ARNT2: variants seen among roughly 807,000 people sequenced by gnomAD.
ARNT2 encodes ARNT protein 2.
Under a neutral mutation model 91.7 loss-of-function variants are expected in ARNT2, and 36 were observed. The ratio of observed to expected loss-of-function variants is 0.39; its 90% confidence interval spans 0.30 to 0.52. The LOEUF is 0.52. Among genes scored for constraint, ARNT2 ranks in the 20% least tolerant of loss-of-function variants. ARNT2 has a pLI of 0.72. For synonymous variants in ARNT2, 365 were observed against 347.1 expected, an observed-to-expected ratio of 1.05 and a Z score of -0.57; for missense variants, 775 against 939.3, an observed-to-expected ratio of 0.83 and a Z score of 2.29.
In ARNT2 at chr15:80,411,759, G is replaced by A. The variant is rs151024035; in HGVS notation, c.31+7213G>A. On this transcript the variant is annotated intron_variant, in intron 1 of 18. Coordinates refer to ENST00000303329, the MANE Select transcript of ARNT2 (RefSeq NM_014862.4). Reference sequence around the variant, plus strand: ...AGAGACTTACCTCGAGTCCTCAGCAGGTGGGTGGGTGAGGAGGTCCTACAC... The same window carrying A: ...AGAGACTTACCTCGAGTCCTCAGCAAGTGGGTGGGTGAGGAGGTCCTACAC... 6.1e-4 allele frequency among the ~76,000 whole-genome samples: 93 copies of A among 152,144 alleles called. No homozygotes were observed. The East Asian group carries it at 0.017, about 28-fold the overall frequency.
chr15:80,404,445 G>T lies in ARNT2; in HGVS notation c.-71G>T, dbSNP rs1276228727. On this transcript the variant is annotated 5_prime_UTR_variant, in exon 1 of 19. Transcript: ENST00000303329. This position sits in a 1 kb window ranked among gnomAD's most constrained non-coding sequence, Gnocchi z 5.5. Reference sequence around the variant, plus strand: ...CGCCTGGGCCTGACCGGGTCCCCGGGGCTGAGCGCCGGGCTCCGCGCCGCC... The same window carrying T: ...CGCCTGGGCCTGACCGGGTCCCCGGTGCTGAGCGCCGGGCTCCGCGCCGCC... 1.3e-5 allele frequency: 14 copies of T among 1,085,998 alleles called. No individual in the cohort carries two copies. The highest frequency in any genetic ancestry group is 1.5e-5 in the Non-Finnish European group (13 of 867,940). The allele number at this position is 1,085,998 out of a possible 1,614,324, so 67.3% of individuals were successfully genotyped here. A position where few individuals can be genotyped will look rare whatever the true frequency, so the allele number is the denominator to read the frequency against.
intron 12 of ARNT2, among the ~76,000 whole-genome samples, chr15:80,573,556 G>A (rs958032078): frequency 1.3e-5 from 2 of 152,130 alleles, no homozygotes; most frequent in African/African-American, 2.4e-5. Flanking sequence ...CAGTAAAGCC[G>A]CCATTTCCTC....
chr15:80,565,816 CTAT>C (rs1898470455), intron 12 of ARNT2, among the ~76,000 whole-genome samples: 1 of 152,006 alleles, frequency 6.6e-6, no homozygotes, highest in Admixed American at 6.6e-5. Flanking sequence ...ATATTCTCTC[CTAT>C]TCTGTAGATT....
At chr15:80,428,145 G>C (rs1470210058) in intron 1 of ARNT2, among the ~76,000 whole-genome samples, 1 of 152,234 alleles carries the variant, frequency 6.6e-6, no homozygotes, top group Non-Finnish European at 1.5e-5. Context: ...CTCCGTGTGG[G>C]CCAGAGGGCC....
intron 2 of ARNT2, 49 bp from the exon 3 acceptor site, chr15:80,457,880 A>G: frequency 1.9e-6 from 3 of 1,600,896 alleles, no homozygotes; most frequent in Non-Finnish European, 2.6e-6. Context: ...GTTACCAGTT[A>G]AAATGTTCTC....
At position 80,564,849 on chromosome 15, in the gene ARNT2, A is replaced by G. The variant is rs151002408; in HGVS notation, c.1316+1610A>G. ...ATTCCAGCTGCATCCATGTTGCTGCAAAGGACGTGGTTTTGTTCTTTTTAA... is the reference window on the plus strand; with the variant it reads ...ATTCCAGCTGCATCCATGTTGCTGCGAAGGACGTGGTTTTGTTCTTTTTAA... On this transcript the variant is annotated intron_variant, in intron 12 of 18. Coordinates refer to ENST00000303329, the MANE Select transcript of ARNT2 (RefSeq NM_014862.4). Among the ~76,000 whole-genome samples, 122 of 152,200 alleles carry G rather than the reference A, an allele frequency of 8.0e-4. 1 individual carries two copies. Among genetic ancestry groups the G allele is most frequent in the African/African-American group, 2.9e-3 (120 of 41,522 alleles).
intron 17 of ARNT2, among the ~76,000 whole-genome samples, chr15:80,587,790 T>C (rs1893200779): frequency 1.3e-5 from 2 of 152,124 alleles, no homozygotes; most frequent in Admixed American, 6.5e-5. Context: ...AAAGAACACA[T>C]GTGCAGTAGC....
At chr15:80,450,293 G>C (rs888841805) in intron 1 of ARNT2, among the ~76,000 whole-genome samples, 1 of 152,218 alleles carries the variant, frequency 6.6e-6, no homozygotes, top group African/African-American at 2.4e-5. Context: ...GCCTGCTATA[G>C]CCTGAAGTGA....
At chr15:80,551,111 C>T (rs971499646) in intron 8 of ARNT2, 88 bp from the exon 9 acceptor site, 25 of 1,331,870 alleles carry the variant, frequency 1.9e-5, no homozygotes, top group Admixed American at 5.3e-5. Context: ...ACTGTATTTT[C>T]GATTGCTTAA....
rs1291136443 is a variant in ARNT2 at position 80,404,564 on chromosome 15, CCCCGCCG to C, written c.31+27_31+33del. 3 of 1,103,092 alleles carry C rather than the reference CCCCGCCG, an allele frequency of 2.7e-6. No homozygotes were observed. Among genetic ancestry groups the C allele is most frequent in the Admixed American group, 4.5e-5 (1 of 22,312 alleles). 68.3% of individuals were successfully genotyped at this position (1,103,092 alleles called of 1,614,324 possible). On this transcript the variant is annotated intron_variant, in intron 1 of 18. Transcript: ENST00000303329. The surrounding 1 kb of genome is among the most constrained non-coding windows in gnomAD (Gnocchi z 5.5). ...CCCTCCGGGTGAGTAGCGGCCTGGG[CCCCGCCG>C]CCCGCCGCAGCCCGCAGGCCTTGCC...
intron 8 of ARNT2, among the ~76,000 whole-genome samples, chr15:80,531,889 C>T (rs182944118): frequency 6.6e-6 from 1 of 152,274 alleles, no homozygotes; most frequent in East Asian, 1.9e-4. Flanking sequence ...CTCTCAGCTC[C>T]CCAGCACTTC....
intron 17 of ARNT2, among the ~76,000 whole-genome samples, chr15:80,587,680 C>T (rs974549100): frequency 1.3e-5 from 2 of 152,210 alleles, no homozygotes; most frequent in African/African-American, 2.4e-5. Flanking sequence ...ACACAGCTGG[C>T]CCAGGTGTTA....
chr15:80,593,486 C>T, intron 18 of ARNT2, 114 bp from the exon 19 acceptor site: 1 of 789,456 alleles, frequency 1.3e-6, no homozygotes. Flanking sequence ...GACCTCTGGG[C>T]TGCCCCTTTA....
intron 6 of ARNT2, among the ~76,000 whole-genome samples, chr15:80,510,367 G>A (rs915948274): frequency 1.8e-4 from 28 of 151,880 alleles, no homozygotes; most frequent in African/African-American, 4.8e-4. Context: ...AACAAGCAAC[G>A]CCATAAAAAA....
chr15:80,417,693 A>G (rs187668462), intron 1 of ARNT2, among the ~76,000 whole-genome samples: 2 of 151,778 alleles, frequency 1.3e-5, no homozygotes, highest in Non-Finnish European at 2.9e-5. Context: ...TAAAGACCCA[A>G]AGAAACAGGA....
intron 1 of ARNT2, among the ~76,000 whole-genome samples, chr15:80,409,160 A>T (rs959867227): frequency 2.0e-5 from 3 of 152,212 alleles, no homozygotes; most frequent in Non-Finnish European, 1.5e-5. Context: ...AATGTATATG[A>T]CTTATATCTA....
At position 80,576,828 on chromosome 15, in the gene ARNT2, G is replaced by A. The variant is rs1325759139; in HGVS notation, c.1514-38G>A. ...GCCTCCTCTGTGGTCTGCAGAGCAGGGAACCTTCGCATGTGACTCCTGCTC... is the reference window on the plus strand; with the variant it reads ...GCCTCCTCTGTGGTCTGCAGAGCAGAGAACCTTCGCATGTGACTCCTGCTC... On this transcript the variant is annotated intron_variant, in intron 14 of 18. Transcript: ENST00000303329. 5 of 1,610,174 alleles carry A rather than the reference G, an allele frequency of 3.1e-6. No homozygotes were observed. The South Asian group carries it at 4.4e-5, about 14-fold the overall frequency.
At chr15:80,509,419 G>A (rs1410203078) in intron 6 of ARNT2, among the ~76,000 whole-genome samples, 1 of 151,934 alleles carries the variant, frequency 6.6e-6, no homozygotes, top group South Asian at 2.1e-4. Context: ...CCCAGCCTGG[G>A]TAACAGAGTG....
rs141626354 is a variant in ARNT2 at position 80,480,347 on chromosome 15, C to T, written c.622+5124C>T. ...GCAGCAGAAGCAGCTCAGCAGGGGC[C>T]GCCCAAGGGAGCATGGAGTGAGCAG... On this transcript the variant is annotated intron_variant, in intron 5 of 18. Coordinates refer to ENST00000303329, the MANE Select transcript of ARNT2 (RefSeq NM_014862.4). Among the ~76,000 whole-genome samples the T allele has an allele frequency of 5.1e-4, 78 of 152,140 alleles. 1 individual carries two copies. In the East Asian group the frequency reaches 0.014, roughly 28 times the overall value.
Sources: allele counts gnomAD v4.1 joint callset (sites outside exome capture counted in the v4.1 genomes callset), GRCh38; gene constraint gnomAD v4.1.1; non-coding constraint Gnocchi (gnomAD v3.1); transcripts MANE v1.5; gene names NCBI Gene and HGNC (gene_info 2026-07-23, HGNC 2026-07-21).